Variants in SPIRE1 observed in about 807,000 individuals in gnomAD.
SPIRE1 encodes spire type actin nucleation factor 1, also known as protein spire homolog 1.
In SPIRE1, 40 loss-of-function variants were observed where a neutral mutation model predicts 94.1. That is an observed-to-expected ratio of 0.43 (90% CI 0.33 to 0.55). The LOEUF is 0.55. Ranked by LOEUF, SPIRE1 falls within the 20% of genes least tolerant of loss-of-function variation. SPIRE1 has a pLI of 0.06. For synonymous variants in SPIRE1, 376 were observed against 371.7 expected (o/e 1.01, Z -0.13); for missense variants, 838 against 975.2 (o/e 0.86, Z 1.87).
chr18:12,508,799 T>C (rs896431499), intron 5 of SPIRE1, among the ~76,000 whole-genome samples: 5 of 151,912 alleles, frequency 3.3e-5, no homozygotes, highest in African/African-American at 1.2e-4. Flanking sequence ...CTCAGCCTCC[T>C]GAGTAGCTGG....
At chr18:12,524,096 C>T (rs1486554858) in intron 4 of SPIRE1, among the ~76,000 whole-genome samples, 1 of 152,006 alleles carries the variant, frequency 6.6e-6, no homozygotes, top group Admixed American at 6.6e-5. Flanking sequence ...GAATCCAACC[C>T]GCAATATCTC....
At chr18:12,551,872 A>G (rs988663662) in intron 2 of SPIRE1, among the ~76,000 whole-genome samples, 14 of 152,120 alleles carry the variant, frequency 9.2e-5, no homozygotes, top group African/African-American at 3.4e-4. Context: ...CCACCGAAAG[A>G]GGCACCAAAG....
chr18:12,649,420 T>A (rs907623307), intron 1 of SPIRE1, among the ~76,000 whole-genome samples: 28 of 148,274 alleles, frequency 1.9e-4, no homozygotes, highest in Non-Finnish European at 3.7e-4. Flanking sequence ...TAAAAAAAAA[T>A]TTTTTTGACT....
chr18:12,452,593 T>C, intron 14 of SPIRE1, 81 bp from the exon 15 acceptor site: 1 of 1,417,120 alleles, frequency 7.1e-7, no homozygotes, highest in Non-Finnish European at 1.0e-6. Flanking sequence ...GGCAGTACAG[T>C]TGTAAGTTTC....
intron 2 of SPIRE1, among the ~76,000 whole-genome samples, chr18:12,634,632 G>C (rs543242778): frequency 7.9e-5 from 12 of 152,002 alleles, no homozygotes; most frequent in Non-Finnish European, 1.8e-4. Flanking sequence ...AAACACACCT[G>C]CTCTCAAAAC....
intron 2 of SPIRE1, among the ~76,000 whole-genome samples, chr18:12,547,449 C>T (rs1474167698): frequency 1.3e-5 from 2 of 152,128 alleles, no homozygotes; most frequent in Non-Finnish European, 2.9e-5. Context: ...ATATTACTGC[C>T]GGGCAAATGA....
rs1380892872 is a variant in SPIRE1 at position 12,492,960 on chromosome 18, T to G, written c.1189+112A>C. The G allele has an allele frequency of 1.2e-5, 15 of 1,256,304 alleles. No homozygotes were observed. The South Asian group carries it at 1.3e-4, about 11-fold the overall frequency. 77.8% of individuals were successfully genotyped at this position (1,256,304 alleles called of 1,614,324 possible). On this transcript the variant is annotated intron_variant, in intron 8 of 16. Coordinates refer to ENST00000409402, the MANE Select transcript of SPIRE1 (RefSeq NM_001128626.2). ...TGAGAGGGAGAACAAGTGAGTGAGA[T>G]ACAGAGAAATGAACAAGGAATGAGA... is the stretch of plus-strand genomic sequence containing the variant.
chr18:12,557,259 G>A (rs2035543301), intron 2 of SPIRE1, among the ~76,000 whole-genome samples: 1 of 152,230 alleles, frequency 6.6e-6, no homozygotes, highest in Admixed American at 6.5e-5. Flanking sequence ...CAGGGACAGG[G>A]CTCAGGCATG....
chr18:12,563,179 G>A (rs35508931), intron 2 of SPIRE1, among the ~76,000 whole-genome samples: 4,813 of 150,068 alleles, frequency 0.032, 113 homozygotes, highest in Middle Eastern at 0.055. Context: ...CCCCAACCCC[G>A]ATTATGAATC....
Position 12,489,970 on chromosome 18 carries a change from C to A in SPIRE1, c.1189+3102G>T, listed in dbSNP as rs555344073. On this transcript the variant is annotated intron_variant, in intron 8 of 16. Transcript: ENST00000409402. ...AAAGTGATACAAATATTTAGGGAAA[C>A]TTTTCTTCAAGTTAATTCTGCCAAT... Among the ~76,000 whole-genome samples the A allele has an allele frequency of 6.6e-5, 10 of 152,266 alleles. No individual in the cohort carries two copies. In the South Asian group the frequency reaches 1.9e-3, roughly 29 times the overall value.
chr18:12,609,666 T>C (rs1462344256), intron 2 of SPIRE1, among the ~76,000 whole-genome samples: 1 of 152,154 alleles, frequency 6.6e-6, no homozygotes, highest in Admixed American at 6.5e-5. Context: ...CTCTCCAGCA[T>C]CCAAAGCCTC....
At position 12,492,929 on chromosome 18, in the gene SPIRE1, A is replaced by T. The variant is rs1283330617; in HGVS notation, c.1189+143T>A. On this transcript the variant is annotated intron_variant, in intron 8 of 16. Coordinates refer to ENST00000409402, the MANE Select transcript of SPIRE1 (RefSeq NM_001128626.2). Reference sequence around the variant, plus strand: ...GAGAGTGAGAGGGGGTATGTATACGAGAGAGTGAGAGGGAGAACAAGTGAG... The same window carrying T: ...GAGAGTGAGAGGGGGTATGTATACGTGAGAGTGAGAGGGAGAACAAGTGAG... 4 of 915,858 alleles carry T rather than the reference A, an allele frequency of 4.4e-6. No individual in the cohort carries two copies. The African/African-American group carries it at 6.7e-5, about 15-fold the overall frequency. 56.7% of individuals were successfully genotyped at this position (915,858 alleles called of 1,614,324 possible).
At chr18:12,531,460 A>T (rs2083739788) in intron 4 of SPIRE1, among the ~76,000 whole-genome samples, 1 of 152,216 alleles carries the variant, frequency 6.6e-6, no homozygotes. Context: ...ATTTTATGTG[A>T]CACTCTTAGA....
intron 2 of SPIRE1, among the ~76,000 whole-genome samples, chr18:12,548,976 T>C (rs369790291): frequency 1.3e-5 from 2 of 152,330 alleles, no homozygotes; most frequent in South Asian, 4.1e-4. Context: ...TTGACTACTT[T>C]AGTTATCCCT....
intron 14 of SPIRE1, 127 bp from the exon 15 acceptor site, chr18:12,452,639 G>T (rs2031303515): frequency 1.1e-6 from 1 of 951,792 alleles, no homozygotes; most frequent in Non-Finnish European, 1.7e-6. Flanking sequence ...TCTTCTATTA[G>T]AATGTAACAA....
chr18:12,615,345 A>AAAT lies in SPIRE1; in HGVS notation c.372+19716_372+19717insATT. 2.6e-3 allele frequency among the ~76,000 whole-genome samples: 45 copies of AAAT among 17,228 alleles called. 3 individuals are homozygous for AAAT. Among genetic ancestry groups the AAAT allele is most frequent in the African/African-American group, 3.9e-3 (33 of 8,448 alleles). 11.3% of individuals were successfully genotyped at this position (17,228 alleles called of 152,430 possible). Reference sequence around the variant, plus strand: ...TCTGTCTCAAAAAAAAAAAAAAAAAAATATATATATATATATATATATATA... The same window carrying AAAT: ...TCTGTCTCAAAAAAAAAAAAAAAAAAAATATATATATATATATATATATATATA... On this transcript the variant is annotated intron_variant, in intron 2 of 16. Coordinates refer to ENST00000409402, the MANE Select transcript of SPIRE1 (RefSeq NM_001128626.2).
chr18:12,473,364 T>G (rs552585675), intron 10 of SPIRE1, among the ~76,000 whole-genome samples: 1 of 152,224 alleles, frequency 6.6e-6, no homozygotes, highest in South Asian at 2.1e-4. Flanking sequence ...GTTCACATAG[T>G]GTTGCTCTTA....
chr18:12,622,073 C>T (rs552612040), intron 2 of SPIRE1, among the ~76,000 whole-genome samples: 47 of 152,238 alleles, frequency 3.1e-4, no homozygotes, highest in African/African-American at 1.1e-3. Context: ...ATCTCTACTC[C>T]CTAATCCCCA....
chr18:12,469,813 G>A (rs1310909172), intron 10 of SPIRE1, among the ~76,000 whole-genome samples: 1 of 148,144 alleles, frequency 6.8e-6, no homozygotes, highest in East Asian at 1.9e-4. Context: ...TGCAACTGAG[G>A]CAAAAGTAAG....
Sources: allele counts gnomAD v4.1 joint callset (sites outside exome capture counted in the v4.1 genomes callset), GRCh38; gene constraint gnomAD v4.1.1; transcripts MANE v1.5; gene names NCBI Gene and HGNC (gene_info 2026-07-23, HGNC 2026-07-21).